TNFAIP8L3: variants seen among roughly 807,000 people sequenced by gnomAD.
The protein encoded by TNFAIP8L3 is tumor necrosis factor alpha-induced protein 8-like protein 3.
In TNFAIP8L3, 7 loss-of-function variants were observed where a neutral mutation model predicts 11.8. The ratio of observed to expected loss-of-function variants is 0.59; its 90% CI spans 0.34 to 1.11. The LOEUF is 1.11. Ranked by LOEUF, TNFAIP8L3 falls within the 50% of genes most tolerant of loss-of-function variation. The pLI is 0.03. For synonymous variants in TNFAIP8L3, 98 were observed against 103.8 expected, an observed-to-expected ratio of 0.94 and a Z score of 0.34; for missense variants, 219 against 258.6, an observed-to-expected ratio of 0.85 and a Z score of 1.05.
At chr15:51,092,768 A>C (rs1241482673) in intron 1 of TNFAIP8L3, among the ~76,000 whole-genome samples, 1 of 152,162 alleles carries the variant, frequency 6.6e-6, no homozygotes, top group Non-Finnish European at 1.5e-5. Context: ...GAGAGAGAAA[A>C]CAACAGGGTG....
intron 1 of TNFAIP8L3, among the ~76,000 whole-genome samples, chr15:51,075,962 T>C (rs1352895212): frequency 6.6e-6 from 1 of 152,190 alleles, no homozygotes; most frequent in African/African-American, 2.4e-5. Flanking sequence ...AAGGTACTTC[T>C]GTATGGGAGA....
chr15:51,102,043 G>A (rs918260431), intron 1 of TNFAIP8L3, among the ~76,000 whole-genome samples: 2 of 152,034 alleles, frequency 1.3e-5, no homozygotes, highest in African/African-American at 4.8e-5. Flanking sequence ...CAGTGGTACA[G>A]GAATAAGAAA....
intron 1 of TNFAIP8L3, among the ~76,000 whole-genome samples, chr15:51,082,044 ATTTT>A (rs370927669): frequency 7.0e-6 from 1 of 143,884 alleles, no homozygotes; most frequent in Non-Finnish European, 1.5e-5. Context: ...GAAAGAGTGA[ATTTT>A]TTTTTTTTTT....
At chr15:51,064,549 G>A (rs1317582870) in intron 1 of TNFAIP8L3, 1 of 152,102 alleles carries the variant, frequency 6.6e-6, no homozygotes, top group Non-Finnish European at 1.5e-5. Context: ...TACTGGGATA[G>A]GATTGAGAGA....
At chr15:51,085,724 T>C (rs763144466) in intron 1 of TNFAIP8L3, among the ~76,000 whole-genome samples, 23 of 151,752 alleles carry the variant, frequency 1.5e-4, no homozygotes, top group Non-Finnish European at 2.9e-5. Flanking sequence ...TGGAACAAAA[T>C]GTTTTTAGCA....
intron 1 of TNFAIP8L3, among the ~76,000 whole-genome samples, chr15:51,066,201 C>T (rs1459359461): frequency 4.1e-5 from 6 of 146,700 alleles, no homozygotes; most frequent in Admixed American, 2.1e-4. Context: ...CTCACTTTGT[C>T]GCCCAGGCTG....
At chr15:51,104,860 G>T in intron 1 of TNFAIP8L3, 1 of 866,366 alleles carries the variant, frequency 1.2e-6, no homozygotes, top group Non-Finnish European at 1.9e-6. Context: ...ATTTGATGTG[G>T]GGCACTAAAT....
At chr15:51,069,152 T>A (rs1206434270) in intron 1 of TNFAIP8L3, among the ~76,000 whole-genome samples, 1 of 152,176 alleles carries the variant, frequency 6.6e-6, no homozygotes, top group Admixed American at 6.5e-5. Context: ...TGACCAGCTT[T>A]CCTGACTCCA....
At chr15:51,065,273 GGT>G in intron 1 of TNFAIP8L3, among the ~76,000 whole-genome samples, 1 of 152,334 alleles carries the variant, frequency 6.6e-6, no homozygotes, top group East Asian at 1.9e-4. Context: ...TTGGGAGAAT[GGT>G]GTGACAATGG....
At chr15:51,095,864 G>C (rs755058157), upstream of TNFAIP8L3, among the ~76,000 whole-genome samples, 7 of 152,116 alleles carry the variant, frequency 4.6e-5, no homozygotes, top group Non-Finnish European at 7.3e-5. Flanking sequence ...TTATTGGCCA[G>C]AGCAAAAGAA....
chr15:51,079,261 C>T (rs917038741), intron 1 of TNFAIP8L3, among the ~76,000 whole-genome samples: 1 of 152,240 alleles, frequency 6.6e-6, no homozygotes, highest in Non-Finnish European at 1.5e-5. Flanking sequence ...GCTTAGCTTC[C>T]AGGGCTCCAT....
chr15:51,076,371 C>G (rs1372158903), intron 1 of TNFAIP8L3, among the ~76,000 whole-genome samples: 1 of 152,144 alleles, frequency 6.6e-6, no homozygotes, highest in East Asian at 1.9e-4. Context: ...CCATTCACAT[C>G]ACGTAATGGG....
At chr15:51,070,127 C>T (rs983769533) in intron 1 of TNFAIP8L3, among the ~76,000 whole-genome samples, 1 of 152,162 alleles carries the variant, frequency 6.6e-6, no homozygotes, top group South Asian at 2.1e-4. Flanking sequence ...ATTTTACAGC[C>T]AGCTCTGAAA....
chr15:51,081,163 G>A (rs1318439039), intron 1 of TNFAIP8L3, among the ~76,000 whole-genome samples: 2 of 152,140 alleles, frequency 1.3e-5, no homozygotes, highest in East Asian at 1.9e-4. Context: ...GTGGGTGGGG[G>A]CCCAAGGCAG....
intron 1 of TNFAIP8L3, among the ~76,000 whole-genome samples, chr15:51,076,906 GTCA>G (rs1211281208): frequency 6.6e-6 from 1 of 152,120 alleles, no homozygotes; most frequent in East Asian, 1.9e-4. Context: ...TTGAATTTTT[GTCA>G]TCATCTGGGC....
At chr15:51,081,078 T>C (rs2065388523) in intron 1 of TNFAIP8L3, among the ~76,000 whole-genome samples, 1 of 152,178 alleles carries the variant, frequency 6.6e-6, no homozygotes, top group South Asian at 2.1e-4. Flanking sequence ...CTTCGTGACT[T>C]AACTCCAGGA....
intron 1 of TNFAIP8L3, among the ~76,000 whole-genome samples, chr15:51,080,726 C>T (rs1595614147): frequency 1.3e-5 from 2 of 152,346 alleles, no homozygotes; most frequent in African/African-American, 4.8e-5. Flanking sequence ...GTGTAAATAA[C>T]CATGTAAGGT....
chr15:51,096,191 A>G (rs549583805), upstream of TNFAIP8L3, among the ~76,000 whole-genome samples: 9 of 152,332 alleles, frequency 5.9e-5, no homozygotes, highest in South Asian at 1.4e-3. Context: ...GTACAGTGTC[A>G]TAAGTGAGTT....
At chr15:51,072,989 CCTTTTTTTTTT>C (rs1281415281) in intron 1 of TNFAIP8L3, among the ~76,000 whole-genome samples, 1 of 45,752 alleles carries the variant, frequency 2.2e-5, no homozygotes, top group Non-Finnish European at 3.8e-5. Context: ...AAACTGGGAT[CCTTTTTTTTTT>C]TTTTTTTTTT....
Sources: allele counts gnomAD v4.1 joint callset (sites outside exome capture counted in the v4.1 genomes callset), GRCh38; gene constraint gnomAD v4.1.1; transcripts MANE v1.5; gene names NCBI Gene and HGNC (gene_info 2026-07-23, HGNC 2026-07-21).